The following RGS17 variants were observed in gnomAD, a reference collection of about 807,000 sequenced individuals.
The protein encoded by RGS17 is regulator of G protein signaling 17.
RGS17 carries 12 observed loss-of-function variants against 25.5 expected under a neutral mutation model. The ratio of observed to expected loss-of-function variants is 0.47; its 90% CI spans 0.30 to 0.76. The LOEUF is 0.76. RGS17 is among the 30% of genes least tolerant of loss of function. RGS17 has a pLI of 0.07. For synonymous variants in RGS17, 71 were observed against 76.9 expected (o/e 0.92, Z 0.40); for missense variants, 196 against 242.2 (o/e 0.81, Z 1.27).
rs1779081407 is a variant in RGS17 at position 153,006,780 on chromosome 6, A to T, written c.*4794T>A. 1 of 152,060 alleles carries T rather than the reference A, an allele frequency of 6.6e-6. No homozygotes were observed. The highest frequency in any genetic ancestry group is 2.1e-4 in the South Asian group (1 of 4,828). 9.4% of individuals were successfully genotyped at this position (152,060 alleles called of 1,614,324 possible). A position where few individuals can be genotyped will look rare whatever the true frequency, so the allele number is the denominator to read the frequency against. Reference sequence around the variant, plus strand: ...CTCATAGTTATCCTGATAATTACGTATTTTATTTGTCATTTGCAGATGAGG... The same window carrying T: ...CTCATAGTTATCCTGATAATTACGTTTTTTATTTGTCATTTGCAGATGAGG... On this transcript the variant is annotated 3_prime_UTR_variant, in exon 5 of 5. Transcript: ENST00000206262.
chr6:153,028,401 C>CA (rs1400799107), intron 2 of RGS17, among the ~76,000 whole-genome samples: 1 of 152,118 alleles, frequency 6.6e-6, no homozygotes, highest in Non-Finnish European at 1.5e-5. Flanking sequence ...GGGAGGAATT[C>CA]AGAGACAGTG....
intron 1 of RGS17, among the ~76,000 whole-genome samples, chr6:153,101,426 G>A (rs1562334262): frequency 6.6e-6 from 1 of 152,186 alleles, no homozygotes; most frequent in Non-Finnish European, 1.5e-5. Context: ...CCGCCATGGA[G>A]GCCAAGGGAA....
intron 1 of RGS17, among the ~76,000 whole-genome samples, chr6:153,076,806 C>T (rs765432365): frequency 2.6e-5 from 4 of 152,092 alleles, no homozygotes; most frequent in Non-Finnish European, 5.9e-5. Context: ...TACAAGGCTT[C>T]GTCTTACAGA....
chr6:153,017,029 G>T (rs1779192025), intron 4 of RGS17, among the ~76,000 whole-genome samples: 1 of 152,192 alleles, frequency 6.6e-6, no homozygotes, highest in South Asian at 2.1e-4. Flanking sequence ...CAAGATAAGA[G>T]CTATCCTCGG....
At chr6:153,090,776 C>T (rs1385610617) in intron 1 of RGS17, among the ~76,000 whole-genome samples, 1 of 152,150 alleles carries the variant, frequency 6.6e-6, no homozygotes, top group Non-Finnish European at 1.5e-5. Context: ...TATATGCTAC[C>T]TTCCATCAGT....
At chr6:153,018,738 G>C (rs1779209992) in intron 4 of RGS17, among the ~76,000 whole-genome samples, 1 of 152,202 alleles carries the variant, frequency 6.6e-6, no homozygotes. Context: ...GGATCGGCCA[G>C]TGTCTCTTGT....
chr6:153,022,365 A>T (rs529851224), intron 4 of RGS17, among the ~76,000 whole-genome samples: 2 of 152,330 alleles, frequency 1.3e-5, no homozygotes, highest in South Asian at 4.1e-4. Context: ...ACATCAGAAA[A>T]TCAGGGGCTG....
chr6:153,108,848 T>C (rs893156030), intron 1 of RGS17, among the ~76,000 whole-genome samples: 12 of 151,748 alleles, frequency 7.9e-5, no homozygotes, highest in Middle Eastern at 3.4e-3. Flanking sequence ...TCAATCTTTA[T>C]AGCCTTGCTC....
chr6:153,053,945 TATATATACATATATATTATATAC>T lies in RGS17; in HGVS notation c.-25-9925_-25-9903del, dbSNP rs1264800060. 4.6e-3 allele frequency among the ~76,000 whole-genome samples: 248 copies of T among 54,368 alleles called. 29 individuals carry two copies. The highest frequency in any genetic ancestry group is 9.3e-3 in the Middle Eastern group (1 of 108). The allele number at this position is 54,368 out of a possible 152,430, so 35.7% of individuals were successfully genotyped here. ...TATATGTATATATATGTATATATAATATATATACATATATATTATATACATATATATGTATATATGTATATAAT... is the reference window on the plus strand; with the variant it reads ...TATATGTATATATATGTATATATAATATATATATGTATATATGTATATAAT... On this transcript the variant is annotated intron_variant, in intron 1 of 4. Transcript: ENST00000206262.
chr6:153,074,317 G>A (rs1776847090), intron 1 of RGS17, among the ~76,000 whole-genome samples: 1 of 134,890 alleles, frequency 7.4e-6, no homozygotes, highest in African/African-American at 2.8e-5. Context: ...AGCAGTGCTT[G>A]CTCTGTTGAT....
chr6:153,054,111 TATGTGTA>T (rs1446530522), intron 1 of RGS17, among the ~76,000 whole-genome samples: 3 of 99,596 alleles, frequency 3.0e-5, no homozygotes, highest in Non-Finnish European at 5.6e-5. Context: ...TATATATATA[TATGTGTA>T]TATATATATA....
intron 1 of RGS17, among the ~76,000 whole-genome samples, chr6:153,080,445 C>T (rs1776957647): frequency 6.6e-6 from 1 of 152,116 alleles, no homozygotes. Flanking sequence ...CCCTCCCCTT[C>T]AGTCTCATTA....
intron 1 of RGS17, among the ~76,000 whole-genome samples, chr6:153,107,858 C>A (rs953360373): frequency 6.6e-6 from 1 of 152,172 alleles, no homozygotes; most frequent in Non-Finnish European, 1.5e-5. Context: ...CCCTTAGCAG[C>A]AATCAAATCC....
At chr6:153,128,277 C>G (rs532481511) in intron 1 of RGS17, among the ~76,000 whole-genome samples, 25 of 152,350 alleles carry the variant, frequency 1.6e-4, no homozygotes, top group African/African-American at 6.0e-4. Context: ...TAGCATTATT[C>G]TCAACCTCTG....
At chr6:153,092,421 G>A (rs1399320915) in intron 1 of RGS17, among the ~76,000 whole-genome samples, 2 of 152,158 alleles carry the variant, frequency 1.3e-5, no homozygotes, top group Non-Finnish European at 1.5e-5. Context: ...GTTTCATGAA[G>A]CTCTCTCTAG....
rs200952302 is a variant in RGS17, at chr6:153,070,751, ATG to A, written c.-25-26710_-25-26709del. Among the ~76,000 whole-genome samples, 1,330 of 151,380 alleles carry A rather than the reference ATG, an allele frequency of 8.8e-3. 13 individuals are homozygous for A. Among genetic ancestry groups the A allele is most frequent in the African/African-American group, 0.025 (1,032 of 41,278 alleles). On this transcript the variant is annotated intron_variant, in intron 1 of 4. Transcript: ENST00000206262. The stretch of plus-strand genomic sequence containing the variant: ...TACATATACACATACATAGACGTAT[ATG>A]TGTGTATGTATATACATATACACAT...
At chr6:153,099,965 A>T (rs1426348364) in intron 1 of RGS17, among the ~76,000 whole-genome samples, 1 of 152,174 alleles carries the variant, frequency 6.6e-6, no homozygotes, top group Non-Finnish European at 1.5e-5. Flanking sequence ...TATTTTCAAG[A>T]TGCTACTAGT....
intron 1 of RGS17, among the ~76,000 whole-genome samples, chr6:153,082,337 A>G (rs762697592): frequency 6.6e-6 from 1 of 152,290 alleles, no homozygotes; most frequent in African/African-American, 2.4e-5. Flanking sequence ...TGGAAGTTCA[A>G]TTACATATAT....
At position 153,011,774 on chromosome 6, in the gene RGS17, CAA is replaced by C. The variant is rs770973713; in HGVS notation, c.445-14_445-13del. 5.1e-6 allele frequency: 8 copies of C among 1,557,532 alleles called. No homozygotes were observed. Among genetic ancestry groups the C allele is most frequent in the Non-Finnish European group, 6.0e-6 (7 of 1,158,404 alleles). On this transcript the variant is annotated splice_polypyrimidine_tract_variant and intron_variant, in intron 4 of 4. Coordinates refer to ENST00000206262, the MANE Select transcript of RGS17 (RefSeq NM_012419.5). ...GAATCAAGACTGACCTAAAAAGAAA[CAA>C]GAGCAAATACATTAAATAATATTTT...
Sources: allele counts gnomAD v4.1 joint callset (sites outside exome capture counted in the v4.1 genomes callset), GRCh38; gene constraint gnomAD v4.1.1; transcripts MANE v1.5; gene names NCBI Gene and HGNC (gene_info 2026-07-23, HGNC 2026-07-21).